The following ACACB variants were observed in gnomAD, a reference collection of about 807,000 sequenced individuals.
ACACB encodes acetyl-CoA carboxylase beta.
A neutral mutation model predicts 278.8 loss-of-function variants in ACACB; 209 were observed. That is an observed-to-expected ratio of 0.75 (90% CI 0.67 to 0.84). ACACB has a LOEUF of 0.84. Ranked by LOEUF, ACACB falls within the 40% of genes least tolerant of loss-of-function variation. The pLI is 0.00. For synonymous variants in ACACB, 1,174 were observed against 1,285.6 expected (o/e 0.91, Z 1.86); for missense variants, 2,850 against 3,269.0 (o/e 0.87, Z 3.13).
At chr12:109,227,960 G>A (rs1445052587) in intron 28 of ACACB, among the ~76,000 whole-genome samples, 1 of 151,830 alleles carries the variant, frequency 6.6e-6, no homozygotes, top group African/African-American at 2.4e-5. Flanking sequence ...TTGAACCCGG[G>A]AGGCAGAGTG....
At position 109,179,185 on chromosome 12, in the gene ACACB, A is replaced by G; in HGVS notation, c.1535A>G (p.Asn512Ser). 6.2e-7 allele frequency: 1 copy of G among 1,614,126 alleles called. No individual in the cohort carries two copies. Among genetic ancestry groups the G allele is most frequent in the Non-Finnish European group, 8.5e-7 (1 of 1,180,020 alleles). ...EVQILADQYG[N>S]AVSLFGRDCS... ...CAGATCCTCGCTGACCAGTATGGGA[A>G]TGCTGTGTCTCTGTTTGGTCGCGAC... The change falls in exon 10 of 53, where the codon AAT becomes AGT. Residue 512 changes from asparagine to serine, a missense_variant. This residue lies in a region of ACACB where 2,265 missense variants were observed against 2,561.3 expected (regional missense o/e 0.88). Transcript: ENST00000338432.
At chr12:109,130,312 A>G (rs1438230287) in intron 1 of ACACB, among the ~76,000 whole-genome samples, 2 of 152,180 alleles carry the variant, frequency 1.3e-5, no homozygotes, top group East Asian at 3.9e-4. Flanking sequence ...GAGACTGATG[A>G]TCAGGGAGGG....
At chr12:109,259,648 G>T (rs982821668) in intron 47 of ACACB, among the ~76,000 whole-genome samples, 32 of 152,112 alleles carry the variant, frequency 2.1e-4, no homozygotes, top group Non-Finnish European at 4.0e-4. Context: ...GTCACACCAT[G>T]AGGTGCAGGT....
At chr12:109,148,561 G>A (rs189015032) in intron 2 of ACACB, among the ~76,000 whole-genome samples, 1 of 152,326 alleles carries the variant, frequency 6.6e-6, no homozygotes, top group East Asian at 1.9e-4. Context: ...CTGAATTGAT[G>A]TGAGGTTATG....
At position 109,268,015 on chromosome 12, in the gene ACACB, G is replaced by A. The variant is rs1258514063; in HGVS notation, c.*1653G>A. On this transcript the variant is annotated 3_prime_UTR_variant, in exon 53 of 53. Coordinates refer to ENST00000338432, the MANE Select transcript of ACACB (RefSeq NM_001093.4). The surrounding 1 kb of genome is among the most constrained non-coding windows in gnomAD (Gnocchi z 4.2). ...AATGAAGGTGGGGCGGGGCAGTGAG[G>A]GGTGGGAGAAGGTGAATGATTCATT... 2 of 152,154 alleles carry A rather than the reference G, an allele frequency of 1.3e-5. No homozygotes were observed. Among genetic ancestry groups the A allele is most frequent in the African/African-American group, 4.8e-5 (2 of 41,422 alleles). 9.4% of individuals were successfully genotyped at this position (152,154 alleles called of 1,614,324 possible).
At chr12:109,137,251 A>G (rs185506094) in intron 1 of ACACB, among the ~76,000 whole-genome samples, 53 of 151,716 alleles carry the variant, frequency 3.5e-4, no homozygotes, top group Non-Finnish European at 6.9e-4. Context: ...CCTTGGCAAC[A>G]TATCAGCAAA....
chr12:109,133,508 G>A (rs1201486393), intron 1 of ACACB, among the ~76,000 whole-genome samples: 2 of 152,136 alleles, frequency 1.3e-5, no homozygotes, highest in Non-Finnish European at 2.9e-5. Flanking sequence ...TGGGGTTACA[G>A]GCATGAGCCA....
intron 1 of ACACB, among the ~76,000 whole-genome samples, chr12:109,124,089 C>T (rs2042619786): frequency 6.6e-6 from 1 of 151,846 alleles, no homozygotes; most frequent in Non-Finnish European, 1.5e-5. Flanking sequence ...TTTTTTTAAA[C>T]CATTGCCATA....
chr12:109,132,475 GT>G (rs1423621308), intron 1 of ACACB, among the ~76,000 whole-genome samples: 2 of 152,108 alleles, frequency 1.3e-5, no homozygotes, highest in African/African-American at 4.8e-5. Context: ...CCATGGAGGT[GT>G]TTTAAGGATT....
chr12:109,190,723 G>A (rs889560865), intron 13 of ACACB, among the ~76,000 whole-genome samples: 1 of 151,670 alleles, frequency 6.6e-6, no homozygotes. Flanking sequence ...AAACTCCTGG[G>A]CTCAAGCGAT....
rs776638245 is a variant in ACACB at position 109,201,625 on chromosome 12, A to G, written c.2837A>G (p.Lys946Arg). Residue 946 changes from lysine to arginine, a missense_variant, in exon 19 of 53, where the codon AAG becomes AGG. By Grantham distance (26) the Lys-to-Arg change is conservative. Around this residue, in one of 3 missense-constraint regions of ACACB, gnomAD observed 2,265 missense variants for 2,561.3 expected, o/e 0.88. Coordinates refer to ENST00000338432, the MANE Select transcript of ACACB (RefSeq NM_001093.4). ...VQERGRVKYI[K>R]RPGAVLEAGC... Reference sequence around the variant, plus strand: ...GAAAGAGGCCGGGTGAAGTACATCAAGCGTCCAGGTGCCGTGCTGGAAGCA... The same window carrying G: ...GAAAGAGGCCGGGTGAAGTACATCAGGCGTCCAGGTGCCGTGCTGGAAGCA... The G allele has an allele frequency of 5.0e-6, 8 of 1,614,060 alleles. No homozygotes were observed. The African/African-American group carries it at 9.3e-5, about 19-fold the overall frequency.
chr12:109,258,874 C>T (rs2136819649), intron 46 of ACACB, 99 bp from the exon 47 acceptor site: 12 of 1,479,650 alleles, frequency 8.1e-6, no homozygotes, highest in Non-Finnish European at 1.1e-5. Flanking sequence ...CAGCACAGAT[C>T]AGATCGCCTG....
intron 1 of ACACB, among the ~76,000 whole-genome samples, chr12:109,128,807 ATTAAT>A (rs2042749058): frequency 6.7e-6 from 1 of 149,482 alleles, no homozygotes; most frequent in Admixed American, 6.6e-5. Flanking sequence ...AATTTAATTA[ATTAAT>A]TTGTTTTCTG....
intron 11 of ACACB, among the ~76,000 whole-genome samples, chr12:109,184,992 A>C (rs11831322): frequency 0.011 from 1,691 of 152,328 alleles, 26 homozygotes; most frequent in African/African-American, 0.038. Flanking sequence ...GATTACAGGC[A>C]TGGACACTGG....
rs138987031 is a variant in ACACB at position 109,265,464 on chromosome 12, T to C, written c.7189T>C (p.Ser2397Pro). ...QHWQAGDGPRSTIRENITYLK... is the reference protein window; with the variant it reads ...QHWQAGDGPRPTIRENITYLK... ...CTGGCAGGCAGGGGATGGCCCGCGC[T>C]CCACCATCCGTGAGAACATCACGTA... is the stretch of plus-strand genomic sequence containing the variant. Residue 2397 changes from serine to proline, a missense_variant, in exon 52 of 53, where the codon TCC (serine) becomes CCC (proline). By Grantham distance (74) the Ser-to-Pro change is moderately conservative (BLOSUM62 -1). Transcript: ENST00000338432. 6.2e-6 allele frequency: 10 copies of C among 1,613,216 alleles called. No homozygotes were observed. The highest frequency in any genetic ancestry group is 1.1e-5 in the South Asian group (1 of 91,022).
chr12:109,200,136 C>T (rs1159489142), intron 18 of ACACB, among the ~76,000 whole-genome samples: 3 of 151,648 alleles, frequency 2.0e-5, no homozygotes. Flanking sequence ...ACTCTCTGTA[C>T]TATTTACATA....
At chr12:109,119,852 G>A (rs975897438) in intron 1 of ACACB, among the ~76,000 whole-genome samples, 4 of 151,916 alleles carry the variant, frequency 2.6e-5, no homozygotes, top group Non-Finnish European at 4.4e-5. Flanking sequence ...CTGAGATCGC[G>A]CCACTGCACT....
At chr12:109,171,777 C>G in intron 4 of ACACB, 28 bp from the exon 5 acceptor site, 10 of 1,564,814 alleles carry the variant, frequency 6.4e-6, no homozygotes, top group Non-Finnish European at 7.9e-6. Context: ...TCAGCAGTTC[C>G]TTCCTTCTCC....
chr12:109,254,264 A>G lies in ACACB; in HGVS notation c.6096A>G (p.Arg2032=). 1.2e-6 allele frequency: 2 copies of G among 1,613,978 alleles called. No homozygotes were observed. Among genetic ancestry groups the G allele is most frequent in the Non-Finnish European group, 1.7e-6 (2 of 1,179,910 alleles). Residue 2032 remains arginine (R), a synonymous_variant, in exon 44 of 53, where the codon AGA becomes AGG. Transcript: ENST00000338432. ...TCACACCCACTGACCCCATTGACAG[A>G]GAAATTGAATTCCTCCCATCCAGAG... ...PIITPTDPID[R]EIEFLPSRAP...
Sources: allele counts gnomAD v4.1 joint callset (sites outside exome capture counted in the v4.1 genomes callset), GRCh38; gene constraint gnomAD v4.1.1; regional missense constraint gnomAD v4.1.1; non-coding constraint Gnocchi (gnomAD v3.1); transcripts MANE v1.5; gene names NCBI Gene and HGNC (gene_info 2026-07-23, HGNC 2026-07-21).